Variants in MED12L observed in about 807,000 individuals in gnomAD.
The protein encoded by MED12L is mediator of RNA polymerase II transcription subunit 12-like protein.
Under a neutral mutation model 281.3 loss-of-function variants are expected in MED12L, and 60 were observed. The ratio of observed to expected loss-of-function variants is 0.21; its 90% CI spans 0.17 to 0.26. The LOEUF is 0.26. Among genes scored for constraint, MED12L ranks in the 10% least tolerant of loss-of-function variants. The probability of loss-of-function intolerance (pLI) is 1.00; values close to 1 mark genes in which losing one functional copy is unlikely to be tolerated. For missense variants in MED12L, 2,146 were observed against 2,680.9 expected, an observed-to-expected ratio of 0.80 and a Z score of 4.41; for synonymous variants, 974 against 987.2, an observed-to-expected ratio of 0.99 and a Z score of 0.25.
intron 16 of MED12L, among the ~76,000 whole-genome samples, chr3:151,340,382 C>T (rs1303848864): frequency 6.6e-6 from 1 of 152,028 alleles, no homozygotes; most frequent in African/African-American, 2.4e-5. Flanking sequence ...TATTTCTATG[C>T]TTTGTATAAT....
intron 27 of MED12L, among the ~76,000 whole-genome samples, chr3:151,374,535 A>G (rs376465133): frequency 1.6e-4 from 24 of 150,878 alleles, no homozygotes; most frequent in Admixed American, 1.0e-3. Flanking sequence ...GTAAGAGAGC[A>G]AGACTCTGTC....
chr3:151,169,146 C>G (rs1359643923), intron 11 of MED12L, among the ~76,000 whole-genome samples: 3 of 117,908 alleles, frequency 2.5e-5, no homozygotes, highest in African/African-American at 6.6e-5. Flanking sequence ...GAGACGGAGT[C>G]TCTGTCTGTC....
chr3:151,119,466 G>A (rs1193939625), intron 3 of MED12L, among the ~76,000 whole-genome samples: 1 of 152,088 alleles, frequency 6.6e-6, no homozygotes, highest in Non-Finnish European at 1.5e-5. Context: ...TTTTCTCCTT[G>A]TGTGTTCCTC....
chr3:151,210,334 A>C (rs12497969), intron 16 of MED12L, among the ~76,000 whole-genome samples: 65,973 of 152,072 alleles, frequency 0.43, 16,637 homozygotes, highest in Non-Finnish European at 0.56. Flanking sequence ...CCCAAAGGAA[A>C]AGTTTTGCTT....
At chr3:151,219,416 C>T (rs1728881747) in intron 16 of MED12L, 1 of 152,152 alleles carries the variant, frequency 6.6e-6, no homozygotes, top group African/African-American at 2.4e-5. Flanking sequence ...ATTAGAACAC[C>T]TTCCACCTTC....
At chr3:151,334,196 C>CCTTTTTTTTTTTTTT (rs1750689705) in intron 16 of MED12L, among the ~76,000 whole-genome samples, 1 of 118,230 alleles carries the variant, frequency 8.5e-6, no homozygotes, top group Non-Finnish European at 1.7e-5. Flanking sequence ...TTCTTTCTTT[C>CCTTTTTTTTTTTTTT]TTTTTTTTTT....
At position 151,390,415 on chromosome 3, in the gene MED12L, G is replaced by T. The variant is rs1714051459; in HGVS notation, c.5608+280G>T. On this transcript the variant is annotated intron_variant, in intron 38 of 44. Coordinates refer to ENST00000687756, the MANE Select transcript of MED12L (RefSeq NM_001393769.1). Reference sequence around the variant, plus strand: ...ATATAAAAGTTGATAACGGTTTTATGTTATAAAATGTGTGTATTTTTATCA... The same window carrying T: ...ATATAAAAGTTGATAACGGTTTTATTTTATAAAATGTGTGTATTTTTATCA... 2.0e-5 allele frequency among the ~76,000 whole-genome samples: 3 copies of T among 152,198 alleles called. No homozygotes were observed. In the South Asian group the frequency reaches 6.2e-4, roughly 31 times the overall value.
intron 43 of MED12L, among the ~76,000 whole-genome samples, chr3:151,425,974 G>A (rs1718832825): frequency 6.6e-6 from 1 of 152,178 alleles, no homozygotes; most frequent in Non-Finnish European, 1.5e-5. Flanking sequence ...ACAGAGGGGA[G>A]AGATCATCTT....
In MED12L at chr3:151,085,743, GGCGAGCCGGCGTC is replaced by G. The variant is rs1175934324; in HGVS notation, c.-320_-308del. The G allele has an allele frequency of 5.9e-5, 9 of 152,128 alleles. No individual in the cohort carries two copies. Among genetic ancestry groups the G allele is most frequent in the Admixed American group, 3.9e-4 (6 of 15,294 alleles). 9.4% of individuals were successfully genotyped at this position (152,128 alleles called of 1,614,324 possible). On this transcript the variant is annotated 5_prime_UTR_variant, in exon 1 of 45. An upstream open reading frame in the 5' UTR loses its in-frame stop. Coordinates refer to ENST00000687756, the MANE Select transcript of MED12L (RefSeq NM_001393769.1). ...GGGCCGTGGGGGCGAGAACGCCGGC[GGCGAGCCGGCGTC>G]GCTCGCCGCCCCCAGACAGTGGCAA...
At chr3:151,244,493 TG>T (rs1274038073) in intron 16 of MED12L, among the ~76,000 whole-genome samples, 1 of 147,630 alleles carries the variant, frequency 6.8e-6, no homozygotes, top group Non-Finnish European at 1.5e-5. Flanking sequence ...ACATGGAAAC[TG>T]AACAACCTGC....
intron 16 of MED12L, chr3:151,337,941 C>T: frequency 6.2e-7 from 1 of 1,613,958 alleles, no homozygotes; most frequent in Non-Finnish European, 8.5e-7. Flanking sequence ...GAAGGACTTG[C>T]AAAGGAAAAA....
rs1049060903 is a variant in MED12L, at chr3:151,132,307, T to C, written c.556+4323T>C. 1.9e-4 allele frequency among the ~76,000 whole-genome samples: 29 copies of C among 152,354 alleles called. 1 individual carries two copies. Among genetic ancestry groups the C allele is most frequent in the African/African-American group, 5.8e-4 (24 of 41,592 alleles). ...TTAGCTTCTCCAGACATCAGTCTTTTCAACCTTGATTCAATCCAGTGTCTG... is the reference window on the plus strand; with the variant it reads ...TTAGCTTCTCCAGACATCAGTCTTTCCAACCTTGATTCAATCCAGTGTCTG... On this transcript the variant is annotated intron_variant, in intron 5 of 44. Coordinates refer to ENST00000687756, the MANE Select transcript of MED12L (RefSeq NM_001393769.1).
intron 43 of MED12L, among the ~76,000 whole-genome samples, chr3:151,429,915 T>G (rs1193775405): frequency 6.6e-5 from 10 of 152,172 alleles, no homozygotes; most frequent in Non-Finnish European, 1.3e-4. Context: ...CTGTAGTCCT[T>G]GAACAAATCT....
At chr3:151,201,287 G>C (rs1374026529) in intron 16 of MED12L, among the ~76,000 whole-genome samples, 2 of 151,794 alleles carry the variant, frequency 1.3e-5, no homozygotes, top group East Asian at 3.9e-4. Context: ...CATCCAATAA[G>C]TTTAAACCAA....
chr3:151,389,966 C>CT lies in MED12L; in HGVS notation c.5452-10dup, dbSNP rs1373051652. 1 of 1,612,996 alleles carries CT rather than the reference C, an allele frequency of 6.2e-7. No individual in the cohort carries two copies. Among genetic ancestry groups the CT allele is most frequent in the Admixed American group, 1.7e-5 (1 of 59,938 alleles). ...TGGAGTTACGTAACTTTTTAAAAAA[C>CT]TTTATGTTGAAGGAATATCCACAGA... On this transcript the variant is annotated splice_polypyrimidine_tract_variant and intron_variant, in intron 37 of 44. Transcript: ENST00000687756.
At chr3:151,257,398 A>G (rs1243966678) in intron 16 of MED12L, among the ~76,000 whole-genome samples, 2 of 152,234 alleles carry the variant, frequency 1.3e-5, no homozygotes, top group African/African-American at 2.4e-5. Context: ...GATTAAGAGC[A>G]TTGTCTCCAG....
intron 16 of MED12L, among the ~76,000 whole-genome samples, chr3:151,239,101 A>G (rs1448217365): frequency 6.6e-6 from 1 of 152,222 alleles, no homozygotes; most frequent in African/African-American, 2.4e-5. Flanking sequence ...AGGAGGGGCA[A>G]TATTAATTAG....
chr3:151,185,306 G>A (rs372663746), intron 11 of MED12L, 24 bp from the exon 12 acceptor site: 34 of 1,610,520 alleles, frequency 2.1e-5, no homozygotes, highest in Non-Finnish European at 2.9e-5. Context: ...GATGTGGCTG[G>A]TACCCCTCTC....
At chr3:151,131,175 T>TA (rs1225709642) in intron 5 of MED12L, among the ~76,000 whole-genome samples, 76 of 152,198 alleles carry the variant, frequency 5.0e-4, no homozygotes, top group Non-Finnish European at 7.8e-4. Context: ...TTAATATATA[T>TA]TTTTTTGGTA....
Sources: gnomAD v4.1 joint callset for allele counts (sites outside exome capture counted in the v4.1 genomes callset) on GRCh38, gnomAD v4.1.1 for gene constraint, MANE v1.5 for transcripts, NCBI Gene and HGNC (gene_info 2026-07-23, HGNC 2026-07-21) for gene names.